Variants in MYH15 observed in about 807,000 individuals in gnomAD.
MYH15 encodes myosin heavy chain 15.
A neutral mutation model predicts 240.5 loss-of-function variants in MYH15; 227 were observed. The ratio of observed to expected loss-of-function variants is 0.94; its 90% CI spans 0.85 to 1.05. The LOEUF (loss-of-function observed/expected upper bound fraction) is 1.05, where lower values mean the gene tolerates loss of function less well. Among genes scored for constraint, MYH15 ranks in the 50% least tolerant of loss-of-function variants. MYH15 has a pLI of 0.00. For missense variants in MYH15, 2,217 were observed against 2,247.5 expected, an observed-to-expected ratio of 0.99 and a Z score of 0.27; for synonymous variants, 785 against 796.7, an observed-to-expected ratio of 0.99 and a Z score of 0.25.
intron 10 of MYH15, 72 bp from the exon 11 acceptor site, chr3:108,485,301 T>G: frequency 6.4e-7 from 1 of 1,559,670 alleles, no homozygotes; most frequent in Non-Finnish European, 8.8e-7. Flanking sequence ...ACCCCCGCTG[T>G]GTTACACCTC....
At chr3:108,543,214 T>C in the MYH15 span, among the ~76,000 whole-genome samples, 1 of 152,178 alleles carries the variant, frequency 6.6e-6, no homozygotes, top group Non-Finnish European at 1.5e-5. Context: ...TAGTATTCCA[T>C]GGTGTATATG....
At position 108,398,665 on chromosome 3, in the gene MYH15, G is replaced by A. The variant is rs1403454236; in HGVS notation, c.5105C>T (p.Thr1702Ile). ...GGTATAGAAAAGATTGATTCTTTCT[G>A]TTGCTTCCAGGAGCTCTTCTTCTGA... is the stretch of plus-strand genomic sequence containing the variant. ...RLSEEELLEA[T>I]ERINLFYTQN... Residue 1702 changes from threonine (T) to isoleucine (I), a missense_variant, in exon 35 of 41, where the codon ACA becomes ATA. Transcript: ENST00000693548. 6.2e-7 allele frequency: 1 copy of A among 1,613,526 alleles called. No individual in the cohort carries two copies. Among genetic ancestry groups the A allele is most frequent in the Non-Finnish European group, 8.5e-7 (1 of 1,180,046 alleles).
At chr3:108,535,062 G>A in the MYH15 span, among the ~76,000 whole-genome samples, 2 of 152,070 alleles carry the variant, frequency 1.3e-5, no homozygotes, top group African/African-American at 4.8e-5. Flanking sequence ...AAATAGGTGT[G>A]GAAGACAATG....
intron 14 of MYH15, among the ~76,000 whole-genome samples, chr3:108,467,207 T>C (rs1481043033): frequency 6.6e-6 from 1 of 151,808 alleles, no homozygotes; most frequent in South Asian, 2.1e-4. Flanking sequence ...TGATCAATTA[T>C]CAAACAAAAT....
At chr3:108,444,940 A>G (rs376773183) in intron 21 of MYH15, 45 bp from the exon 22 acceptor site, 44 of 1,540,466 alleles carry the variant, frequency 2.9e-5, no homozygotes, top group Admixed American at 1.5e-4. Context: ...CCCTGACTAT[A>G]GGAGAATTAG....
At chr3:108,539,987 C>G in the MYH15 span, among the ~76,000 whole-genome samples, 1 of 152,274 alleles carries the variant, frequency 6.6e-6, no homozygotes, top group East Asian at 1.9e-4. Context: ...AGACTGCCCA[C>G]ATGAGCACAC....
At chr3:108,497,979 G>A in intron 6 of MYH15, 73 bp downstream of exon 6, 3 of 1,330,890 alleles carry the variant, frequency 2.3e-6, no homozygotes, top group Non-Finnish European at 3.2e-6. Flanking sequence ...CCCAAAAGTG[G>A]TCCGGACACA....
At chr3:108,455,565 T>C (rs2083011681) in intron 20 of MYH15, among the ~76,000 whole-genome samples, 171 bp downstream of exon 20, 1 of 152,218 alleles carries the variant, frequency 6.6e-6, no homozygotes, top group African/African-American at 2.4e-5. Flanking sequence ...AAACATTGAA[T>C]ATTTTTCTCA....
upstream of MYH15, among the ~76,000 whole-genome samples, chr3:108,531,916 C>G (rs2083713692): frequency 6.6e-6 from 1 of 151,930 alleles, no homozygotes; most frequent in African/African-American, 2.4e-5. Context: ...GTAATTATCC[C>G]AAGGGCACAA....
At chr3:108,396,234 T>C (rs937601765) in intron 35 of MYH15, among the ~76,000 whole-genome samples, 1 of 152,228 alleles carries the variant, frequency 6.6e-6, no homozygotes, top group Non-Finnish European at 1.5e-5. Context: ...TCATGTATGA[T>C]ATGCATGGCA....
the MYH15 span, among the ~76,000 whole-genome samples, chr3:108,542,169 G>T: frequency 6.6e-6 from 1 of 151,996 alleles, no homozygotes; most frequent in African/African-American, 2.4e-5. Context: ...AGATAGTTCC[G>T]TGTGTCCATT....
In MYH15 at chr3:108,490,769, T is replaced by C. The variant is rs368130715; in HGVS notation, c.871+1731A>G. Among the ~76,000 whole-genome samples, 8 of 152,326 alleles carry C rather than the reference T, an allele frequency of 5.3e-5. No homozygotes were observed. In the East Asian group the frequency reaches 1.3e-3, roughly 26 times the overall value. ...CTTTTCAGAGAAATTCCCTGACAAT[T>C]TCATCTAAAATAGAACTATCCACAA... is the stretch of plus-strand genomic sequence containing the variant. On this transcript the variant is annotated intron_variant, in intron 9 of 40. Transcript: ENST00000693548.
At chr3:108,505,918 T>C in intron 1 of MYH15, 89 bp from the exon 2 acceptor site, 1 of 783,998 alleles carries the variant, frequency 1.3e-6, no homozygotes, top group Non-Finnish European at 2.0e-6. Flanking sequence ...AGATCTAATC[T>C]CATTTCTGCT....
In MYH15 at chr3:108,523,161, A is replaced by C. The variant is rs1038038618; in HGVS notation, c.-58+6102T>G. The stretch of plus-strand genomic sequence containing the variant: ...AAGAATGAATTATAAAACAGTATTT[A>C]CAGTATATTTAAGATTATATGCATA... On this transcript the variant is annotated intron_variant, in intron 1 of 41. Coordinates refer to the MYH15 transcript ENST00000273353. 3.9e-5 allele frequency among the ~76,000 whole-genome samples: 6 copies of C among 152,220 alleles called. No homozygotes were observed. The South Asian group carries it at 1.2e-3, about 32-fold the overall frequency.
chr3:108,383,737 A>AAC lies in MYH15; in HGVS notation c.5632-9_5632-8insGT, dbSNP rs141454667. On this transcript the variant is annotated splice_polypyrimidine_tract_variant and intron_variant, in intron 39 of 40. Coordinates refer to ENST00000693548, the MANE Select transcript of MYH15 (RefSeq NM_014981.3). ...TTGATTGGCTTGTGTTTCCTATAAA[A>AAC]ATAAAAAAAAAAAAAAAGAAATCTC... 228,744 of 1,382,330 alleles carry AAC rather than the reference A, an allele frequency of 0.17. 7,135 individuals are homozygous for AAC. Among genetic ancestry groups the AAC allele is most frequent in the African/African-American group, 0.22 (11,319 of 50,682 alleles). The allele number at this position is 1,382,330 out of a possible 1,614,324, so 85.6% of individuals were successfully genotyped here. A position where few individuals can be genotyped will look rare whatever the true frequency, so the allele number is the denominator to read the frequency against.
At chr3:108,499,157 T>C (rs1427822658) in intron 5 of MYH15, among the ~76,000 whole-genome samples, 1 of 152,136 alleles carries the variant, frequency 6.6e-6, no homozygotes, top group Non-Finnish European at 1.5e-5. Flanking sequence ...AGATGACCAT[T>C]TGGAACAGTG....
chr3:108,519,655 T>C (rs1358860321), intron 1 of MYH15, among the ~76,000 whole-genome samples: 1 of 152,172 alleles, frequency 6.6e-6, no homozygotes, highest in Non-Finnish European at 1.5e-5. Context: ...TATAAAATAC[T>C]AGGTAATACC....
intron 1 of MYH15, among the ~76,000 whole-genome samples, chr3:108,526,350 T>C (rs1576283601): frequency 6.6e-6 from 1 of 152,192 alleles, no homozygotes; most frequent in South Asian, 2.1e-4. Context: ...TTGTCAACTC[T>C]GAAATTTATT....
At position 108,391,871 on chromosome 3, in the gene MYH15, C is replaced by G. The variant is rs139977838; in HGVS notation, c.5319G>C (p.Arg1773Ser). The change falls in exon 37 of 41, where the codon AGG (arginine) becomes AGC (serine). Residue 1773 changes from arginine (R) to serine (S), a missense_variant. Coordinates refer to ENST00000693548, the MANE Select transcript of MYH15 (RefSeq NM_014981.3). Reference sequence around the variant, plus strand: ...TTGTCTGCTCCATATTTTCTCTTGTCCTTTCCAAGTGGGCAATGGTGTCTT... The same window carrying G: ...TTGTCTGCTCCATATTTTCTCTTGTGCTTTCCAAGTGGGCAATGGTGTCTT... ...KKQDTIAHLERTRENMEQTIT... is the reference protein window; with the variant it reads ...KKQDTIAHLESTRENMEQTIT... The G allele has an allele frequency of 2.9e-5, 47 of 1,614,130 alleles. No homozygotes were observed. The East Asian group carries it at 5.8e-4, about 20-fold the overall frequency.
Sources: gnomAD v4.1 joint callset for allele counts (sites outside exome capture counted in the v4.1 genomes callset) on GRCh38, gnomAD v4.1.1 for gene constraint, MANE v1.5 for transcripts, NCBI Gene and HGNC (gene_info 2026-07-23, HGNC 2026-07-21) for gene names.